USP36: variants seen among roughly 807,000 people sequenced by gnomAD.
USP36 encodes the protein ubiquitin carboxyl-terminal hydrolase 36.
A neutral mutation model predicts 111.5 loss-of-function variants in USP36; 59 were observed. The observed-to-expected ratio is 0.53, with a 90% CI of 0.43 to 0.66. USP36 has a LOEUF of 0.66. Ranked by LOEUF, USP36 falls within the 30% of genes least tolerant of loss-of-function variation. The pLI is 0.00. For synonymous variants in USP36, 628 were observed against 581.0 expected (o/e 1.08, Z -1.16); for missense variants, 1,488 against 1,468.0 (o/e 1.01, Z -0.22).
chr17:78,802,139 C>T (rs1420581058), intron 17 of USP36, among the ~76,000 whole-genome samples, 185 bp downstream of exon 17: 1 of 147,564 alleles, frequency 6.8e-6, no homozygotes, highest in Non-Finnish European at 1.5e-5. Context: ...CCCAACCCCT[C>T]GCCTGGTGCA....
Position 78,803,988 on chromosome 17 carries a change from C to G in USP36, c.2217-10G>C. On this transcript the variant is annotated splice_polypyrimidine_tract_variant and intron_variant, in intron 15 of 20. Transcript: ENST00000449938. The surrounding 1 kb of genome is among the most constrained non-coding windows in gnomAD (Gnocchi z 4.6). The stretch of plus-strand genomic sequence containing the variant: ...AGCAGGTGACACAGCCCTGTGGGGA[C>G]AGCCAGGAAACAGGGAGAGGATGTT... 2.6e-6 allele frequency: 4 copies of G among 1,565,604 alleles called. No homozygotes were observed. Among genetic ancestry groups the G allele is most frequent in the Non-Finnish European group, 3.5e-6 (4 of 1,157,398 alleles).
In USP36 at chr17:78,789,975, C is replaced by CG. The variant is rs1271651386; in HGVS notation, c.*21-2318_*21-2317insC. 5.9e-5 allele frequency among the ~76,000 whole-genome samples: 9 copies of CG among 152,352 alleles called. No individual in the cohort carries two copies. The East Asian group carries it at 1.7e-3, about 29-fold the overall frequency. On this transcript the variant is annotated intron_variant, in intron 3 of 3. Transcript: ENST00000588130. ...CCGAATGCAGTCACAAAGTATGCTGCCTTCAGCAGCTGCTCCAGTTCACTC... is the reference window on the plus strand; with the variant it reads ...CCGAATGCAGTCACAAAGTATGCTGCGCTTCAGCAGCTGCTCCAGTTCACTC...
chr17:78,822,053 C>T (rs1251273617), intron 6 of USP36, 49 bp from the exon 7 acceptor site: 16 of 1,607,558 alleles, frequency 1.0e-5, no homozygotes, highest in Admixed American at 3.3e-5. Context: ...CAAGATGACA[C>T]GAGGGATGGC....
At chr17:78,825,202 T>C (rs2067427085) in intron 6 of USP36, among the ~76,000 whole-genome samples, 1 of 152,084 alleles carries the variant, frequency 6.6e-6, no homozygotes, top group African/African-American at 2.4e-5. Flanking sequence ...CCGCCAAGCA[T>C]GCAGGAAACA....
In USP36 at chr17:78,798,233, A is replaced by G. The variant is rs2093661012; in HGVS notation, c.*20+167T>C. 2 of 833,854 alleles carry G rather than the reference A, an allele frequency of 2.4e-6. No homozygotes were observed. Among genetic ancestry groups the G allele is most frequent in the Non-Finnish European group, 3.6e-6 (2 of 548,822 alleles). The allele number at this position is 833,854 out of a possible 1,614,324, so 51.7% of individuals were successfully genotyped here. The stretch of plus-strand genomic sequence containing the variant: ...ACACACCCTTCTCCAAGTGACTAGG[A>G]CACACACCACAGACGCGCCCACACC... On this transcript the variant is annotated intron_variant, in intron 20 of 20. Transcript: ENST00000449938. The surrounding 1 kb of genome is among the most constrained non-coding windows in gnomAD (Gnocchi z 5.1).
At position 78,807,100 on chromosome 17, in the gene USP36, A is replaced by G. The variant is rs1383613458; in HGVS notation, c.1944T>C (p.Ala648=). 6.2e-7 allele frequency: 1 copy of G among 1,614,186 alleles called. No homozygotes were observed. The change falls in exon 14 of 21, where the codon GCT becomes GCC. Residue 648 remains alanine (A), a synonymous_variant. Transcript: ENST00000449938. The stretch of plus-strand genomic sequence containing the variant: ...CACTTGGCGGCGTTTTGGAGTGGCC[A>G]GCGGTGGAACAGTTCGTTTCCTGAG... ...CDSQETNCST[A]GHSKTPPSGA... is the part of the protein sequence containing the mutation.
rs1039014478 is a variant in USP36, at chr17:78,797,238, G to A, written c.*662C>T. ...AAGCAGATGTATTCGCAGGTATCGA[G>A]GGCTCCTCCGACCCCAAATAGCCTC... On this transcript the variant is annotated 3_prime_UTR_variant, in exon 21 of 21. Transcript: ENST00000449938. The A allele has an allele frequency of 1.3e-5, 2 of 152,194 alleles. No homozygotes were observed. Among genetic ancestry groups the A allele is most frequent in the African/African-American group, 2.4e-5 (1 of 41,444 alleles). 9.4% of individuals were successfully genotyped at this position (152,194 alleles called of 1,614,324 possible).
At chr17:78,817,024 C>A (rs1486325144) in intron 10 of USP36, among the ~76,000 whole-genome samples, 3 of 152,214 alleles carry the variant, frequency 2.0e-5, no homozygotes, top group Non-Finnish European at 4.4e-5. Flanking sequence ...TGGTCAATGA[C>A]AGACCACATA....
intron 10 of USP36, among the ~76,000 whole-genome samples, chr17:78,817,315 C>T (rs1171092220): frequency 3.9e-5 from 6 of 152,150 alleles, no homozygotes; most frequent in Admixed American, 1.3e-4. Flanking sequence ...CCTGAGTCTA[C>T]GACATTAAGA....
In USP36 at chr17:78,803,577, A is replaced by T. The variant is rs1221106047; in HGVS notation, c.2618T>A (p.Met873Lys). Residue 873 changes from methionine (M) to lysine (K), a missense_variant, in exon 16 of 21, where the codon ATG becomes AAG. Met to Lys is a moderately conservative substitution (Grantham distance 95). This residue lies in a region of USP36 where 1,073 missense variants were observed against 994.1 expected (regional missense o/e 1.08). Transcript: ENST00000449938. The surrounding 1 kb of genome is among the most constrained non-coding windows in gnomAD (Gnocchi z 4.6). ...CTGTGCCTGGCCCTCCCTCCTGTAC[A>T]TGGGGCTCCCAGGCTGTCTCTGTGT... ...GQTQRQPGSP[M>K]YRREGQAQLP... is the part of the protein sequence containing the mutation. The T allele has an allele frequency of 6.2e-7, 1 of 1,612,712 alleles. No homozygotes were observed. The highest frequency in any genetic ancestry group is 8.5e-7 in the Non-Finnish European group (1 of 1,179,856).
chr17:78,812,897 A>G lies in USP36; in HGVS notation c.1370T>C (p.Ile457Thr). The G allele has an allele frequency of 3.1e-6, 5 of 1,613,652 alleles. No homozygotes were observed. Among genetic ancestry groups the G allele is most frequent in the Non-Finnish European group, 4.2e-6 (5 of 1,179,956 alleles). ...SVIPDHSKKN[I>T]GNGIISSPLT... The stretch of plus-strand genomic sequence containing the variant: ...TGGGGAGGAAATAATCCCATTGCCG[A>G]TGTTCTTCTTGGAGTGATCTGGAAT... Residue 457 changes from isoleucine (I) to threonine (T), a missense_variant, in exon 13 of 21, where the codon ATC (isoleucine) becomes ACC (threonine). By Grantham distance (89) the Ile-to-Thr change is moderately conservative (BLOSUM62 -1). This residue lies in a region of USP36 where 1,073 missense variants were observed against 994.1 expected (regional missense o/e 1.08). Transcript: ENST00000449938.
intron 4 of USP36, among the ~76,000 whole-genome samples, chr17:78,833,505 T>A (rs1234686885): frequency 1.3e-5 from 2 of 152,042 alleles, no homozygotes; most frequent in Non-Finnish European, 2.9e-5. Flanking sequence ...GGCACTTGAC[T>A]CACTCAGAAT....
intron 5 of USP36, among the ~76,000 whole-genome samples, chr17:78,827,763 G>A (rs922379216): frequency 6.6e-6 from 1 of 152,106 alleles, no homozygotes; most frequent in East Asian, 1.9e-4. Context: ...AAAAAAATTA[G>A]CCAGGCATGA....
At chr17:78,830,099 C>T (rs1415964950) in intron 4 of USP36, among the ~76,000 whole-genome samples, 1 of 152,158 alleles carries the variant, frequency 6.6e-6, no homozygotes, top group African/African-American at 2.4e-5. Context: ...CTGTGATCGC[C>T]GAACTCCCCT....
intron 6 of USP36, chr17:78,826,783 C>T (rs28559298): frequency 0.033 from 10,292 of 314,198 alleles, 908 homozygotes; most frequent in African/African-American, 0.2. Context: ...AGTTATAAAC[C>T]TCCTCATGTT....
chr17:78,820,413 T>C (rs1217018500), intron 8 of USP36, among the ~76,000 whole-genome samples: 3 of 152,140 alleles, frequency 2.0e-5, no homozygotes, highest in African/African-American at 7.2e-5. Context: ...CAGTGAGCTA[T>C]GATTGCGCCA....
rs574102110 is a variant in USP36, at chr17:78,835,877, G to C, written c.253+234C>G. ...TCGACTGTATTATACTTGGGATAGGGGGACAGCAAGTCCAAGGACCCACCA... is the reference window on the plus strand; with the variant it reads ...TCGACTGTATTATACTTGGGATAGGCGGACAGCAAGTCCAAGGACCCACCA... On this transcript the variant is annotated intron_variant, in intron 3 of 20. Transcript: ENST00000449938. The C allele has an allele frequency of 1.6e-5, 10 of 639,592 alleles. No individual in the cohort carries two copies. In the African/African-American group the frequency reaches 1.7e-4, roughly 11 times the overall value. The allele number at this position is 639,592 out of a possible 1,614,324, so 39.6% of individuals were successfully genotyped here.
intron 9 of USP36, 74 bp downstream of exon 9, chr17:78,819,856 C>G (rs1377727836): frequency 6.1e-6 from 9 of 1,484,848 alleles, no homozygotes; most frequent in Non-Finnish European, 8.4e-6. Context: ...AGTGGGTGGG[C>G]ACAACACTGT....
intron 6 of USP36, 107 bp from the exon 7 acceptor site, chr17:78,822,111 C>A: frequency 7.6e-7 from 1 of 1,308,880 alleles, no homozygotes. Flanking sequence ...CAGCGTGAGG[C>A]TGGGAAACTC....
Sources: gnomAD v4.1 joint callset for allele counts (sites outside exome capture counted in the v4.1 genomes callset) on GRCh38, gnomAD v4.1.1 for gene constraint, gnomAD v4.1.1 regional missense constraint, Gnocchi (gnomAD v3.1) non-coding constraint, MANE v1.5 for transcripts, NCBI Gene and HGNC (gene_info 2026-07-23, HGNC 2026-07-21) for gene names.